The following SGCZ variants were observed in gnomAD, a reference collection of about 807,000 sequenced individuals.
SGCZ encodes zeta-sarcoglycan.
In SGCZ, 40 loss-of-function variants were observed where a neutral mutation model predicts 41.3. The ratio of observed to expected loss-of-function variants is 0.97; its 90% CI spans 0.75 to 1.26. The LOEUF (loss-of-function observed/expected upper bound fraction) is 1.26, where lower values mean the gene tolerates loss of function less well. Among genes scored for constraint, SGCZ ranks in the 50% most tolerant of loss-of-function variants. SGCZ has a pLI of 0.00. For missense variants in SGCZ, 552 were observed against 369.8 expected (o/e 1.49, Z -4.04); for synonymous variants, 206 against 137.5 (o/e 1.50, Z -3.49).
intron 1 of SGCZ, among the ~76,000 whole-genome samples, chr8:14,603,708 CTGT>C (rs1012173037): frequency 3.9e-5 from 6 of 152,146 alleles, no homozygotes; most frequent in Admixed American, 1.3e-4. Flanking sequence ...TAGCAGTTAT[CTGT>C]TGTTGTTAAT....
rs1025440229 is a variant in SGCZ at position 14,604,594 on chromosome 8, A to G, written c.40-49668T>C. 3.9e-5 allele frequency among the ~76,000 whole-genome samples: 6 copies of G among 152,294 alleles called. No individual in the cohort carries two copies. The East Asian group carries it at 7.7e-4, about 20-fold the overall frequency. Reference sequence around the variant, plus strand: ...GTTGCAATGAGGTGATAATTGCCCTATAAAAGGATTATCATTCCTCCAAGA... The same window carrying G: ...GTTGCAATGAGGTGATAATTGCCCTGTAAAAGGATTATCATTCCTCCAAGA... On this transcript the variant is annotated intron_variant, in intron 1 of 7. Coordinates refer to ENST00000382080, the MANE Select transcript of SGCZ (RefSeq NM_139167.4).
chr8:15,179,842 T>G (rs777549812), intron 1 of SGCZ, among the ~76,000 whole-genome samples: 8 of 152,128 alleles, frequency 5.3e-5, no homozygotes, highest in Non-Finnish European at 7.4e-5. Context: ...GGTACTTTTC[T>G]CAAACAGAAT....
intron 4 of SGCZ, among the ~76,000 whole-genome samples, chr8:14,195,243 A>C (rs536618759): frequency 1.2e-4 from 19 of 152,252 alleles, no homozygotes; most frequent in African/African-American, 4.6e-4. Flanking sequence ...CATGTATTAA[A>C]AAGACCCAAA....
At chr8:14,134,681 A>G (rs1369510660) in intron 5 of SGCZ, among the ~76,000 whole-genome samples, 1 of 152,184 alleles carries the variant, frequency 6.6e-6, no homozygotes, top group African/African-American at 2.4e-5. Context: ...AAAAAATACC[A>G]TGAGCAGGTG....
At chr8:15,179,494 T>C (rs886998670) in intron 1 of SGCZ, among the ~76,000 whole-genome samples, 1 of 152,184 alleles carries the variant, frequency 6.6e-6, no homozygotes, top group African/African-American at 2.4e-5. Flanking sequence ...CAAGATGTTC[T>C]GATAATTACA....
chr8:14,525,847 G>C (rs572692213), intron 2 of SGCZ, among the ~76,000 whole-genome samples: 1 of 152,124 alleles, frequency 6.6e-6, no homozygotes, highest in South Asian at 2.1e-4. Context: ...GCAGAAACTA[G>C]ACATGCAGTC....
At chr8:15,080,463 A>T (rs1805699433) in intron 1 of SGCZ, among the ~76,000 whole-genome samples, 1 of 152,060 alleles carries the variant, frequency 6.6e-6, no homozygotes, top group African/African-American at 2.4e-5. Context: ...GTGCACCCCC[A>T]ACGCCAGCCT....
chr8:14,321,603 A>G (rs1023648534), intron 3 of SGCZ, among the ~76,000 whole-genome samples: 1 of 152,124 alleles, frequency 6.6e-6, no homozygotes, highest in African/African-American at 2.4e-5. Flanking sequence ...ATTTAAAGAG[A>G]GCAACAGCAT....
At chr8:14,378,360 T>C (rs936954340) in intron 2 of SGCZ, among the ~76,000 whole-genome samples, 2 of 152,166 alleles carry the variant, frequency 1.3e-5, no homozygotes, top group Non-Finnish European at 2.9e-5. Context: ...ATTCAGGACA[T>C]AGGCATGGGC....
chr8:14,627,733 G>C (rs1510434), intron 1 of SGCZ, among the ~76,000 whole-genome samples: 104,057 of 151,852 alleles, frequency 0.69, 35,861 homozygotes, highest in East Asian at 0.79. Context: ...AACATATTCA[G>C]TCTCAATGAA....
At chr8:14,467,574 G>A (rs917668419) in intron 2 of SGCZ, among the ~76,000 whole-genome samples, 7 of 152,024 alleles carry the variant, frequency 4.6e-5, no homozygotes, top group African/African-American at 1.5e-4. Flanking sequence ...AGGAGCAATC[G>A]ACTGAAATTA....
intron 1 of SGCZ, among the ~76,000 whole-genome samples, chr8:14,813,146 G>T (rs895474434): frequency 2.2e-4 from 34 of 152,134 alleles, no homozygotes; most frequent in Non-Finnish European, 5.0e-4. Flanking sequence ...CCATCTGACT[G>T]CCTCAAAGAG....
intron 1 of SGCZ, among the ~76,000 whole-genome samples, chr8:14,606,974 C>G (rs1051051195): frequency 6.6e-6 from 1 of 152,128 alleles, no homozygotes; most frequent in South Asian, 2.1e-4. Flanking sequence ...ACTGCTTCTA[C>G]TAGTACATGA....
chr8:14,440,303 T>C (rs76407984), intron 2 of SGCZ, among the ~76,000 whole-genome samples: 6,244 of 152,198 alleles, frequency 0.041, 190 homozygotes, highest in African/African-American at 0.082. Context: ...CTTAAAAATA[T>C]GCTAAATAAT....
At chr8:14,455,616 A>G (rs1336080076) in intron 2 of SGCZ, among the ~76,000 whole-genome samples, 1 of 152,200 alleles carries the variant, frequency 6.6e-6, no homozygotes, top group Non-Finnish European at 1.5e-5. Flanking sequence ...TCTACTTTAA[A>G]AGCATACCCC....
intron 1 of SGCZ, among the ~76,000 whole-genome samples, chr8:14,828,456 C>A (rs1268660438): frequency 1.3e-5 from 2 of 152,174 alleles, no homozygotes; most frequent in African/African-American, 4.8e-5. Context: ...GTTACCAAAA[C>A]CTTTGTACCT....
intron 7 of SGCZ, among the ~76,000 whole-genome samples, chr8:14,096,948 TC>T (rs750331425): frequency 9.9e-5 from 15 of 152,160 alleles, no homozygotes; most frequent in Non-Finnish European, 1.8e-4. Context: ...GGTGGTGATA[TC>T]CCCTTCATCA....
At chr8:15,072,668 G>C (rs1420837354) in intron 1 of SGCZ, among the ~76,000 whole-genome samples, 2 of 152,146 alleles carry the variant, frequency 1.3e-5, no homozygotes, top group Non-Finnish European at 1.5e-5. Context: ...ATTAAGTAAG[G>C]AGTCACAATG....
chr8:15,161,750 A>G (rs183213795), intron 1 of SGCZ, among the ~76,000 whole-genome samples: 1 of 152,258 alleles, frequency 6.6e-6, no homozygotes, highest in Non-Finnish European at 1.5e-5. Flanking sequence ...CAAATTAAAA[A>G]GAGGCTGGGT....
Sources: gnomAD v4.1 joint callset for allele counts (sites outside exome capture counted in the v4.1 genomes callset) on GRCh38, gnomAD v4.1.1 for gene constraint, MANE v1.5 for transcripts, NCBI Gene and HGNC (gene_info 2026-07-23, HGNC 2026-07-21) for gene names.